LSAMP: variants seen among roughly 807,000 people sequenced by gnomAD.
LSAMP encodes the protein limbic system associated membrane protein.
In LSAMP, 7 loss-of-function variants were observed where a neutral mutation model predicts 38.6. That is an observed-to-expected ratio of 0.18 (90% CI 0.10 to 0.34). LSAMP has a LOEUF of 0.34. LSAMP is among the 10% of genes least tolerant of loss of function. LSAMP has a pLI of 1.00. For missense variants in LSAMP, 313 were observed against 420.0 expected (o/e 0.75, Z 2.23); for synonymous variants, 154 against 166.8 (o/e 0.92, Z 0.59).
intron 1 of LSAMP, among the ~76,000 whole-genome samples, chr3:116,345,444 G>A (rs917708989): frequency 1.3e-5 from 2 of 152,120 alleles, no homozygotes; most frequent in Non-Finnish European, 2.9e-5. Context: ...AGGACTTGGG[G>A]TGTATCAATC....
intron 1 of LSAMP, among the ~76,000 whole-genome samples, chr3:116,414,081 A>G (rs1272318212): frequency 6.6e-6 from 1 of 152,090 alleles, no homozygotes; most frequent in Admixed American, 6.6e-5. Flanking sequence ...TATTTGTTTT[A>G]AACAGCACTT....
intron 1 of LSAMP, among the ~76,000 whole-genome samples, chr3:116,294,644 C>G (rs1035767987): frequency 6.6e-6 from 1 of 151,986 alleles, no homozygotes; most frequent in East Asian, 1.9e-4. Flanking sequence ...TAACACACAA[C>G]GTTACAAGCT....
chr3:116,262,135 T>C (rs1466453486), intron 1 of LSAMP, among the ~76,000 whole-genome samples: 1 of 152,124 alleles, frequency 6.6e-6, no homozygotes, highest in Non-Finnish European at 1.5e-5. Context: ...TTTTCTTTGC[T>C]ATTTTAGGAC....
chr3:115,917,878 A>G (rs1937288036), intron 3 of LSAMP, among the ~76,000 whole-genome samples: 1 of 152,224 alleles, frequency 6.6e-6, no homozygotes, highest in Non-Finnish European at 1.5e-5. Flanking sequence ...ACCAACTTCC[A>G]TAAATATAAA....
intron 2 of LSAMP, among the ~76,000 whole-genome samples, chr3:116,065,780 T>G (rs1487522718): frequency 6.6e-6 from 1 of 152,226 alleles, no homozygotes; most frequent in African/African-American, 2.4e-5. Flanking sequence ...AAGCAGCATG[T>G]TAGCAAAACG....
intron 3 of LSAMP, among the ~76,000 whole-genome samples, chr3:115,898,868 AGT>A (rs1162874167): frequency 6.6e-6 from 1 of 152,086 alleles, no homozygotes; most frequent in Non-Finnish European, 1.5e-5. Flanking sequence ...GAAAGGGACT[AGT>A]GTGTGGTAAA....
chr3:115,834,090 T>C (rs1477018269), intron 6 of LSAMP, among the ~76,000 whole-genome samples: 3 of 152,148 alleles, frequency 2.0e-5, no homozygotes, highest in African/African-American at 7.2e-5. Context: ...ATAACATCTT[T>C]GTTATAATCC....
At chr3:116,188,186 G>A (rs1289295409) in intron 1 of LSAMP, among the ~76,000 whole-genome samples, 1 of 152,080 alleles carries the variant, frequency 6.6e-6, no homozygotes. Context: ...CCACTTGTTA[G>A]TGGGAGTTCT....
chr3:116,225,753 G>T (rs1035404351), intron 1 of LSAMP, among the ~76,000 whole-genome samples: 16 of 146,762 alleles, frequency 1.1e-4, no homozygotes, highest in Admixed American at 9.5e-4. Flanking sequence ...GTATATTATT[G>T]TTTTTTTTTT....
chr3:115,930,461 A>G (rs981516318), intron 3 of LSAMP, among the ~76,000 whole-genome samples: 4 of 152,126 alleles, frequency 2.6e-5, no homozygotes, highest in African/African-American at 7.2e-5. Flanking sequence ...GGAAAGGAGA[A>G]TAAGTTTTCT....
chr3:116,193,555 A>G (rs902742446), intron 1 of LSAMP, among the ~76,000 whole-genome samples: 1 of 152,218 alleles, frequency 6.6e-6, no homozygotes, highest in African/African-American at 2.4e-5. Flanking sequence ...CAAAAAAAGT[A>G]TATTTACAAA....
chr3:116,284,299 C>A (rs905430024), intron 1 of LSAMP, among the ~76,000 whole-genome samples: 1 of 151,920 alleles, frequency 6.6e-6, no homozygotes, highest in Non-Finnish European at 1.5e-5. Context: ...AAGTTCTATG[C>A]CAAAAAATAA....
chr3:116,407,307 T>A (rs1012835555), intron 1 of LSAMP, among the ~76,000 whole-genome samples: 1 of 152,100 alleles, frequency 6.6e-6, no homozygotes, highest in African/African-American at 2.4e-5. Context: ...CTATTTTGAA[T>A]AAAGCAGAAA....
intron 3 of LSAMP, among the ~76,000 whole-genome samples, chr3:115,861,179 TTCC>T (rs1260756518): frequency 7.6e-5 from 9 of 118,220 alleles, no homozygotes; most frequent in South Asian, 3.1e-4. Flanking sequence ...CCTTCCTTCC[TTCC>T]TTCCTTCCTT....
chr3:115,870,781 G>A (rs1936011212), intron 3 of LSAMP, among the ~76,000 whole-genome samples: 1 of 152,154 alleles, frequency 6.6e-6, no homozygotes, highest in Non-Finnish European at 1.5e-5. Context: ...AGACTTTCTA[G>A]GGAAGAGATT....
At chr3:115,982,640 G>A (rs1404966149) in intron 3 of LSAMP, among the ~76,000 whole-genome samples, 2 of 151,826 alleles carry the variant, frequency 1.3e-5, no homozygotes, top group Admixed American at 6.6e-5. Context: ...CCCCTGTATT[G>A]TACATTCTCT....
chr3:116,296,267 T>C (rs887216431), intron 1 of LSAMP, among the ~76,000 whole-genome samples: 1 of 152,208 alleles, frequency 6.6e-6, no homozygotes, highest in Non-Finnish European at 1.5e-5. Context: ...TATTTTACTG[T>C]AAAAATATTC....
chr3:116,354,478 T>A (rs573287586), intron 1 of LSAMP, among the ~76,000 whole-genome samples: 1 of 152,278 alleles, frequency 6.6e-6, no homozygotes, highest in East Asian at 1.9e-4. Flanking sequence ...CTTTGTTGAA[T>A]TTGCAGAATC....
chr3:116,123,421 G>A (rs916392108), intron 1 of LSAMP, among the ~76,000 whole-genome samples: 1 of 152,148 alleles, frequency 6.6e-6, no homozygotes, highest in Non-Finnish European at 1.5e-5. Flanking sequence ...GGCAACAAAA[G>A]TCTAGGTTTT....
Sources: gnomAD v4.1 joint callset for allele counts (sites outside exome capture counted in the v4.1 genomes callset) on GRCh38, gnomAD v4.1.1 for gene constraint, MANE v1.5 for transcripts, NCBI Gene and HGNC (gene_info 2026-07-23, HGNC 2026-07-21) for gene names.